Variants in TMEM267 observed in about 807,000 individuals in gnomAD.
TMEM267 encodes transmembrane protein C5orf28.
A neutral mutation model predicts 19.3 loss-of-function variants in TMEM267; 20 were observed. The observed-to-expected ratio is 1.04, with a 90% CI of 0.73 to 1.51. TMEM267 has a LOEUF of 1.51. TMEM267 is among the 40% of genes most tolerant of loss of function. TMEM267 has a pLI of 0.00. For synonymous variants in TMEM267, 88 were observed against 90.3 expected, an observed-to-expected ratio of 0.97 and a Z score of 0.15; for missense variants, 242 against 261.9, an observed-to-expected ratio of 0.92 and a Z score of 0.52.
intron 1 of TMEM267, among the ~76,000 whole-genome samples, chr5:43,472,089 A>G (rs988154527): frequency 1.9e-4 from 29 of 152,194 alleles, no homozygotes; most frequent in African/African-American, 7.0e-4. Context: ...AAACTGCTCT[A>G]TAGGAAAAAA....
At chr5:43,464,198 A>G (rs1288501707) in intron 1 of TMEM267, among the ~76,000 whole-genome samples, 1 of 152,160 alleles carries the variant, frequency 6.6e-6, no homozygotes, top group Non-Finnish European at 1.5e-5. Flanking sequence ...GTGAACTCCC[A>G]TTCACAATTG....
chr5:43,464,526 A>G lies in TMEM267; in HGVS notation c.-74-10483T>C, dbSNP rs557113421. The stretch of plus-strand genomic sequence containing the variant: ...AATCCTAAGCCAAAAGAACAAAGCC[A>G]GAGGCATCACGCTACCTGACTTCAA... On this transcript the variant is annotated intron_variant, in intron 1 of 2. Transcript: ENST00000397080. Among the ~76,000 whole-genome samples the G allele has an allele frequency of 8.5e-5, 13 of 152,386 alleles. No homozygotes were observed. In the East Asian group the frequency reaches 1.3e-3, roughly 16 times the overall value.
At chr5:43,462,603 A>G (rs989764085) in intron 1 of TMEM267, among the ~76,000 whole-genome samples, 1 of 152,172 alleles carries the variant, frequency 6.6e-6, no homozygotes, top group Admixed American at 6.6e-5. Flanking sequence ...AATTAAACAG[A>G]ATCAAGCTGA....
chr5:43,453,641 A>C lies in TMEM267; in HGVS notation c.312+17T>G. On this transcript the variant is annotated intron_variant, in intron 2 of 2. Transcript: ENST00000397080. ...AAGGAAATTAAAGATCAGAAAAATTAAGCCTATGCTTTTTACCTTTAAAGA... is the reference window on the plus strand; with the variant it reads ...AAGGAAATTAAAGATCAGAAAAATTCAGCCTATGCTTTTTACCTTTAAAGA... The C allele has an allele frequency of 6.3e-7, 1 of 1,598,648 alleles. No homozygotes were observed. Among genetic ancestry groups the C allele is most frequent in the Non-Finnish European group, 8.5e-7 (1 of 1,173,504 alleles).
At chr5:43,461,933 A>G (rs554322918) in intron 1 of TMEM267, among the ~76,000 whole-genome samples, 1 of 152,304 alleles carries the variant, frequency 6.6e-6, no homozygotes, top group African/African-American at 2.4e-5. Context: ...CCCAGGGCCT[A>G]CAGCAAACAT....
In TMEM267 at chr5:43,450,283, C is replaced by A. The variant is rs368059855; in HGVS notation, c.312+3375G>T. 7.9e-5 allele frequency among the ~76,000 whole-genome samples: 12 copies of A among 151,986 alleles called. No homozygotes were observed. In the East Asian group the frequency reaches 1.2e-3, roughly 15 times the overall value. ...TTGGGGTTACAGGCATGAGCCACTG[C>A]GCCTGGCCTTTGATTTTTTTATTAA... On this transcript the variant is annotated intron_variant, in intron 2 of 2. Transcript: ENST00000397080.
chr5:43,457,271 C>T (rs1024652525), intron 1 of TMEM267, among the ~76,000 whole-genome samples: 3 of 152,140 alleles, frequency 2.0e-5, no homozygotes, highest in Non-Finnish European at 4.4e-5. Context: ...GTATGCAGGG[C>T]AAAGGGCATC....
chr5:43,464,986 C>G (rs996822900), intron 1 of TMEM267, among the ~76,000 whole-genome samples: 1 of 152,116 alleles, frequency 6.6e-6, no homozygotes, highest in Non-Finnish European at 1.5e-5. Context: ...AGCTTCTGCA[C>G]AGCAAAAGAA....
rs1344982744 is a variant in TMEM267, at chr5:43,445,435, T to C, written c.*787A>G. On this transcript the variant is annotated 3_prime_UTR_variant, in exon 3 of 3. Transcript: ENST00000397080. ...AAATGTTACGGTTATGATCCAAATA[T>C]CAACATTTTGTTAATGTTACTTATT... 2 of 152,112 alleles carry C rather than the reference T, an allele frequency of 1.3e-5. No individual in the cohort carries two copies. Among genetic ancestry groups the C allele is most frequent in the Non-Finnish European group, 2.9e-5 (2 of 67,986 alleles). 9.4% of individuals were successfully genotyped at this position (152,112 alleles called of 1,614,324 possible).
intron 1 of TMEM267, among the ~76,000 whole-genome samples, chr5:43,463,035 C>A (rs1245190229): frequency 6.6e-6 from 1 of 152,020 alleles, no homozygotes; most frequent in Non-Finnish European, 1.5e-5. Flanking sequence ...AATCGATAGA[C>A]CGCTAGCAAG....
chr5:43,465,049 T>C (rs1360458995), intron 1 of TMEM267, among the ~76,000 whole-genome samples: 2 of 152,080 alleles, frequency 1.3e-5, no homozygotes, highest in Non-Finnish European at 2.9e-5. Flanking sequence ...ATTTTTGCAA[T>C]CTACTCATCT....
intron 1 of TMEM267, among the ~76,000 whole-genome samples, chr5:43,472,065 A>G (rs190732456): frequency 7.6e-4 from 116 of 152,360 alleles, no homozygotes; most frequent in African/African-American, 2.3e-3. Flanking sequence ...AATAACCAAA[A>G]TACGTAAGTG....
intron 1 of TMEM267, among the ~76,000 whole-genome samples, chr5:43,462,969 A>C (rs1402244000): frequency 6.6e-6 from 1 of 152,174 alleles, no homozygotes; most frequent in East Asian, 1.9e-4. Flanking sequence ...AGAGACACAA[A>C]AAACTTTTCA....
rs1561181349 is a variant in TMEM267 at position 43,445,548 on chromosome 5, C to T, written c.*674G>A. The T allele has an allele frequency of 1.3e-5, 2 of 152,128 alleles. No homozygotes were observed. The highest frequency in any genetic ancestry group is 4.8e-5 in the African/African-American group (2 of 41,538). The allele number at this position is 152,128 out of a possible 1,614,324, so 9.4% of individuals were successfully genotyped here. A position where few individuals can be genotyped will look rare whatever the true frequency, so the allele number is the denominator to read the frequency against. ...TTCAGTAAAGTGCTACTGTAGCCAA[C>T]ATGTTTTAATAATTATTTCCTAAAT... On this transcript the variant is annotated 3_prime_UTR_variant, in exon 3 of 3. Coordinates refer to ENST00000397080, the MANE Select transcript of TMEM267 (RefSeq NM_022483.5).
intron 1 of TMEM267, among the ~76,000 whole-genome samples, chr5:43,466,766 T>G (rs940470453): frequency 1.3e-5 from 2 of 151,654 alleles, no homozygotes; most frequent in African/African-American, 4.9e-5. Flanking sequence ...CCAAAAAACA[T>G]GCAATGAATA....
chr5:43,466,936 G>C (rs1237430126), intron 1 of TMEM267, among the ~76,000 whole-genome samples: 1 of 152,052 alleles, frequency 6.6e-6, no homozygotes, highest in Admixed American at 6.6e-5. Flanking sequence ...ATCATTTGAG[G>C]TCAGGAGTTT....
In TMEM267 at chr5:43,480,736, TC is replaced by T. The variant is rs376201474; in HGVS notation, c.-75+3085del. ...CTTATAAAGCCAGTGCATTATATTT[TC>T]TTTCACTCATGAAGCAATTTTTAAT... On this transcript the variant is annotated intron_variant, in intron 1 of 2. Transcript: ENST00000397080. Among the ~76,000 whole-genome samples, 1,177 of 151,922 alleles carry T rather than the reference TC, an allele frequency of 7.7e-3. 21 individuals are homozygous for T. The highest frequency in any genetic ancestry group is 0.027 in the African/African-American group (1,138 of 41,406).
At chr5:43,481,645 C>T (rs1042268843) in intron 1 of TMEM267, among the ~76,000 whole-genome samples, 1 of 151,896 alleles carries the variant, frequency 6.6e-6, no homozygotes, top group Admixed American at 6.6e-5. Context: ...ATGGAAAGTA[C>T]AAAACAGCTT....
intron 2 of TMEM267, among the ~76,000 whole-genome samples, chr5:43,451,141 AT>A (rs1467147770): frequency 6.6e-6 from 1 of 152,056 alleles, no homozygotes; most frequent in African/African-American, 2.4e-5. Flanking sequence ...TACTGTTAAT[AT>A]TTACCAGGAC....
Sources: gnomAD v4.1 joint callset for allele counts (sites outside exome capture counted in the v4.1 genomes callset) on GRCh38, gnomAD v4.1.1 for gene constraint, MANE v1.5 for transcripts, NCBI Gene and HGNC (gene_info 2026-07-23, HGNC 2026-07-21) for gene names.